The following ZSWIM5 variants were observed in gnomAD, a reference collection of about 807,000 sequenced individuals.
ZSWIM5 encodes the protein zinc finger SWIM-type containing 5.
ZSWIM5 carries 55 observed loss-of-function variants against 119.6 expected under a neutral mutation model. The observed-to-expected ratio is 0.46, with a 90% CI of 0.37 to 0.58. The LOEUF is 0.58. Ranked by LOEUF, ZSWIM5 falls within the 20% of genes least tolerant of loss-of-function variation. The pLI is 0.00. For missense variants in ZSWIM5, 1,193 were observed against 1,512.8 expected, an observed-to-expected ratio of 0.79 and a Z score of 3.51; for synonymous variants, 537 against 606.9, an observed-to-expected ratio of 0.88 and a Z score of 1.69.
chr1:45,187,696 A>G (rs754250721), intron 1 of ZSWIM5, among the ~76,000 whole-genome samples: 2 of 152,224 alleles, frequency 1.3e-5, no homozygotes, highest in African/African-American at 2.4e-5. Flanking sequence ...TGCAAATCAC[A>G]TATCTGATAA....
At chr1:45,178,371 C>T (rs1168623403) in intron 1 of ZSWIM5, among the ~76,000 whole-genome samples, 1 of 152,030 alleles carries the variant, frequency 6.6e-6, no homozygotes, top group Non-Finnish European at 1.5e-5. Context: ...ATGCAGTGGG[C>T]CAGGATGGCG....
At chr1:45,054,031 C>T (rs142808259) in intron 4 of ZSWIM5, among the ~76,000 whole-genome samples, 123 of 152,144 alleles carry the variant, frequency 8.1e-4, no homozygotes, top group African/African-American at 2.9e-3. Flanking sequence ...GCTTGTAATA[C>T]CAGTGCTTGG....
At chr1:45,028,465 T>TTTA (rs1644932929) in intron 11 of ZSWIM5, among the ~76,000 whole-genome samples, 1 of 152,142 alleles carries the variant, frequency 6.6e-6, no homozygotes, top group African/African-American at 2.4e-5. Flanking sequence ...AACACACTTT[T>TTTA]TCATCAAAAA....
chr1:45,034,373 C>A lies in ZSWIM5; in HGVS notation c.2388G>T (p.Thr796=), dbSNP rs763211083. The A allele has an allele frequency of 2.5e-6, 4 of 1,613,840 alleles. No individual in the cohort carries two copies. The highest frequency in any genetic ancestry group is 2.7e-5 in the African/African-American group (2 of 74,930). The change falls in exon 11 of 14, where the codon ACG becomes ACT. Residue 796 remains threonine (T), a synonymous_variant. Coordinates refer to ENST00000359600, the MANE Select transcript of ZSWIM5 (RefSeq NM_020883.2). Reference sequence around the variant, plus strand: ...ACTGCTGTGATTCCAAGTGTCCAAGCGTGAACCAGCGAGGATAACGGCTGG... The same window carrying A: ...ACTGCTGTGATTCCAAGTGTCCAAGAGTGAACCAGCGAGGATAACGGCTGG... ...VVPSRYPRWF[T]LGHLESQQCE... is the part of the protein sequence containing the mutation.
chr1:45,146,415 A>T (rs569543007), intron 1 of ZSWIM5, among the ~76,000 whole-genome samples: 6 of 146,968 alleles, frequency 4.1e-5, no homozygotes, highest in African/African-American at 1.5e-4. Flanking sequence ...ATAAAATACA[A>T]GTATCTGTTT....
chr1:45,065,968 C>T (rs529823430), intron 2 of ZSWIM5, among the ~76,000 whole-genome samples: 10 of 151,130 alleles, frequency 6.6e-5, no homozygotes, highest in Middle Eastern at 3.4e-3. Context: ...TCCATTAACT[C>T]GTCATTTAGT....
intron 2 of ZSWIM5, among the ~76,000 whole-genome samples, chr1:45,078,166 T>C (rs1031395183): frequency 7.2e-5 from 11 of 152,210 alleles, no homozygotes; most frequent in East Asian, 3.8e-4. Context: ...TGTTTAGAGA[T>C]TGCAGTAAAG....
chr1:45,051,066 T>G lies in ZSWIM5; in HGVS notation c.1432+8A>C. On this transcript the variant is annotated splice_region_variant and intron_variant, in intron 5 of 13. Transcript: ENST00000359600. Reference sequence around the variant, plus strand: ...GGTACAAAGAGCCTAAAAGGACACTTGGCTCACCTGGGCTGTGAATGGCAC... The same window carrying G: ...GGTACAAAGAGCCTAAAAGGACACTGGGCTCACCTGGGCTGTGAATGGCAC... 6.2e-7 allele frequency: 1 copy of G among 1,609,684 alleles called. No individual in the cohort carries two copies. The highest frequency in any genetic ancestry group is 8.5e-7 in the Non-Finnish European group (1 of 1,178,230).
chr1:45,018,022 CAGA>C lies in ZSWIM5; in HGVS notation c.*429_*431del, dbSNP rs1644865154. The C allele has an allele frequency of 5.8e-6, 1 of 171,260 alleles. No homozygotes were observed. Among genetic ancestry groups the C allele is most frequent in the Non-Finnish European group, 1.3e-5 (1 of 78,904 alleles). The allele number at this position is 171,260 out of a possible 1,614,324, so 10.6% of individuals were successfully genotyped here. A position where few individuals can be genotyped will look rare whatever the true frequency, so the allele number is the denominator to read the frequency against. On this transcript the variant is annotated 3_prime_UTR_variant, in exon 14 of 14. Transcript: ENST00000359600. This position sits in a 1 kb window ranked among gnomAD's most constrained non-coding sequence, Gnocchi z 6.7. ...CAGCTACTTCAAGTGCCCATCAAAT[CAGA>C]AGCAGAATTATAAATAGTTACAAGT...
chr1:45,182,447 G>C (rs1440610513), intron 1 of ZSWIM5, among the ~76,000 whole-genome samples: 3 of 151,268 alleles, frequency 2.0e-5, no homozygotes, highest in Non-Finnish European at 4.4e-5. Flanking sequence ...AAAAGACACA[G>C]ACTGGCAAAT....
intron 1 of ZSWIM5, among the ~76,000 whole-genome samples, chr1:45,128,357 AGTTTTTT>A (rs1219286430): frequency 1.3e-5 from 2 of 151,954 alleles, no homozygotes; most frequent in African/African-American, 2.4e-5. Flanking sequence ...ATGCCCAGCT[AGTTTTTT>A]GTTTGTTTAA....
At chr1:45,111,511 T>G (rs545946233) in intron 1 of ZSWIM5, among the ~76,000 whole-genome samples, 1 of 152,262 alleles carries the variant, frequency 6.6e-6, no homozygotes, top group Non-Finnish European at 1.5e-5. Context: ...ATGTATTATT[T>G]TACAGTTCTG....
intron 5 of ZSWIM5, among the ~76,000 whole-genome samples, chr1:45,046,396 T>C (rs1645054441): frequency 6.6e-6 from 1 of 152,126 alleles, no homozygotes; most frequent in East Asian, 1.9e-4. Flanking sequence ...AAAGGCAATA[T>C]ATTGGATTTG....
chr1:45,060,162 C>T lies in ZSWIM5; in HGVS notation c.1038G>A (p.Lys346=), dbSNP rs1557752143. ...LDEEQVKEQV[K]LFLSQGGYCG... is the part of the protein sequence containing the mutation. ...AGTAACCGCCCTGGGAGAGAAAAAGCTTCACTTGTTCTTTCACCTGTTCTT... is the reference window on the plus strand; with the variant it reads ...AGTAACCGCCCTGGGAGAGAAAAAGTTTCACTTGTTCTTTCACCTGTTCTT... The change falls in exon 3 of 14, where the codon AAG becomes AAA. Residue 346 remains lysine, a synonymous_variant. Transcript: ENST00000359600. The T allele has an allele frequency of 6.2e-7, 1 of 1,614,200 alleles. No individual in the cohort carries two copies. Among genetic ancestry groups the T allele is most frequent in the East Asian group, 2.2e-5 (1 of 44,888 alleles).
chr1:45,144,090 T>A (rs1645746686), intron 1 of ZSWIM5, among the ~76,000 whole-genome samples: 2 of 152,130 alleles, frequency 1.3e-5, no homozygotes, highest in Admixed American at 1.3e-4. Context: ...ATAGGTTTAA[T>A]GCAATATCAG....
intron 4 of ZSWIM5, among the ~76,000 whole-genome samples, chr1:45,054,129 T>C (rs1570033466): frequency 6.6e-6 from 1 of 151,862 alleles, no homozygotes; most frequent in South Asian, 2.1e-4. Context: ...AAAATTAGAA[T>C]TGGCTGAGTG....
At chr1:45,051,052 C>G (rs1224731129) in intron 5 of ZSWIM5, 22 bp downstream of exon 5, 92 of 1,604,872 alleles carry the variant, frequency 5.7e-5, no homozygotes, top group Non-Finnish European at 7.8e-5. Context: ...GTACAAAGAG[C>G]CTAAAAGGAC....
chr1:45,097,761 G>A (rs776267953), intron 1 of ZSWIM5, among the ~76,000 whole-genome samples: 7 of 152,156 alleles, frequency 4.6e-5, no homozygotes, highest in Non-Finnish European at 7.4e-5. Flanking sequence ...GAGTGCAGTG[G>A]TGCGATCTCA....
chr1:45,170,792 G>GC (rs1645942055), intron 1 of ZSWIM5, among the ~76,000 whole-genome samples: 1 of 145,746 alleles, frequency 6.9e-6, no homozygotes, highest in Admixed American at 6.8e-5. Context: ...TGCCCAGGCT[G>GC]CCAGGCTAGT....
Sources: gnomAD v4.1 joint callset for allele counts (sites outside exome capture counted in the v4.1 genomes callset) on GRCh38, gnomAD v4.1.1 for gene constraint, Gnocchi (gnomAD v3.1) non-coding constraint, MANE v1.5 for transcripts, NCBI Gene and HGNC (gene_info 2026-07-23, HGNC 2026-07-21) for gene names.